Variants in MYO6 observed in about 807,000 individuals in gnomAD.
MYO6 encodes unconventional myosin-VI.
A neutral mutation model predicts 178.7 loss-of-function variants in MYO6; 74 were observed. That is an observed-to-expected ratio of 0.41 (90% CI 0.34 to 0.50). The LOEUF (loss-of-function observed/expected upper bound fraction) is 0.50. MYO6 is among the 20% of genes least tolerant of loss of function. The pLI is 0.09. For missense variants in MYO6, 1,330 were observed against 1,547.4 expected, an observed-to-expected ratio of 0.86 and a Z score of 2.36; for synonymous variants, 477 against 504.6, an observed-to-expected ratio of 0.95 and a Z score of 0.73.
At chr6:75,817,688 A>C in intron 2 of MYO6, 24 bp downstream of exon 2, 1 of 1,595,884 alleles carries the variant, frequency 6.3e-7, no homozygotes, top group Non-Finnish European at 8.6e-7. Context: ...AAAGATGTTG[A>C]AATATGATTT....
chr6:75,754,461 A>T (rs1436340233), intron 1 of MYO6, among the ~76,000 whole-genome samples: 1 of 138,368 alleles, frequency 7.2e-6, no homozygotes, highest in African/African-American at 2.6e-5. Flanking sequence ...TGGAAGTTGC[A>T]GTGCACTGAG....
chr6:75,773,368 G>A (rs59169035), intron 1 of MYO6, among the ~76,000 whole-genome samples: 1 of 152,310 alleles, frequency 6.6e-6, no homozygotes, highest in African/African-American at 2.4e-5. Context: ...AAGATTTTAG[G>A]AAACTGGAAT....
At chr6:75,767,559 G>A (rs1583010930) in intron 1 of MYO6, among the ~76,000 whole-genome samples, 1 of 123,512 alleles carries the variant, frequency 8.1e-6, no homozygotes, top group Non-Finnish European at 1.6e-5. Context: ...TCTCACTGTT[G>A]CTCAGGCTGG....
intron 1 of MYO6, among the ~76,000 whole-genome samples, chr6:75,790,925 T>TAATA (rs1256372536): frequency 2.6e-5 from 4 of 152,050 alleles, no homozygotes; most frequent in Non-Finnish European, 1.5e-5. Flanking sequence ...CATAGTAATA[T>TAATA]AATAGCTGTA....
intron 1 of MYO6, among the ~76,000 whole-genome samples, chr6:75,750,620 T>G (rs1014019609): frequency 6.6e-6 from 1 of 151,918 alleles, no homozygotes; most frequent in African/African-American, 2.4e-5. Flanking sequence ...TTAACTTTTT[T>G]TTTTTTGAGA....
chr6:75,775,900 G>A (rs563475864), intron 1 of MYO6, among the ~76,000 whole-genome samples: 2 of 152,124 alleles, frequency 1.3e-5, no homozygotes, highest in Non-Finnish European at 2.9e-5. Context: ...AATCCTGATA[G>A]GCAGAGCACA....
intron 10 of MYO6, among the ~76,000 whole-genome samples, chr6:75,847,492 T>C (rs1454103242): frequency 6.6e-6 from 1 of 151,434 alleles, no homozygotes. Context: ...TTTCTCCTTC[T>C]AGTTTCTGCA....
rs182237958 is a variant in MYO6, at chr6:75,780,218, A to G, written c.-48+30795A>G. Among the ~76,000 whole-genome samples the G allele has an allele frequency of 4.5e-3, 689 of 152,318 alleles. 10 individuals are homozygous for G. The highest frequency in any genetic ancestry group is 0.016 in the African/African-American group (667 of 41,586). On this transcript the variant is annotated intron_variant, in intron 1 of 34. Coordinates refer to ENST00000369977, the MANE Select transcript of MYO6 (RefSeq NM_004999.4). ...CATTTTGGGAGGCTGAGGGGGGCGG[A>G]TCATCTGAGGTCAGGAGTTCAAGAC...
At chr6:75,784,721 G>T (rs1345907208) in intron 1 of MYO6, among the ~76,000 whole-genome samples, 1 of 146,088 alleles carries the variant, frequency 6.8e-6, no homozygotes, top group Admixed American at 7.0e-5. Context: ...AGCTTGCAGC[G>T]AGCCGAGGTC....
rs1208727038 is a variant in MYO6 at position 75,886,944 on chromosome 6, C to T, written c.2608C>T (p.Gln870Ter). Residue 870 changes from glutamine to a stop codon, truncating the protein, a stop_gained, in exon 25 of 35, where the codon CAG becomes TAG. Transcript: ENST00000369977. LOFTEE classifies it high-confidence loss of function. ...LKDGKPEMNK[Q>*]IKNLEISIDT... is the part of the protein sequence containing the mutation. The stretch of plus-strand genomic sequence containing the variant: ...AGATGGAAAACCCGAGATGAATAAA[C>T]AGATCAAGAATCTGGAAATTTCTAT... 2 of 1,613,672 alleles carry T rather than the reference C, an allele frequency of 1.2e-6. No individual in the cohort carries two copies.
chr6:75,899,120 G>A (rs1320213100), intron 30 of MYO6, among the ~76,000 whole-genome samples: 5 of 152,020 alleles, frequency 3.3e-5, no homozygotes, highest in Non-Finnish European at 5.9e-5. Flanking sequence ...ACATTTAAAT[G>A]TGTTGCATTG....
chr6:75,918,883 G>C lies in MYO6; in HGVS notation c.*3871G>C, dbSNP rs556510238. The stretch of plus-strand genomic sequence containing the variant: ...GCCTGTAATCCCAGCACTTTGGGAG[G>C]CCGAGGCGGGTGGATCACGAGGTCA... On this transcript the variant is annotated 3_prime_UTR_variant, in exon 35 of 35. Coordinates refer to ENST00000369977, the MANE Select transcript of MYO6 (RefSeq NM_004999.4). 2 of 152,254 alleles carry C rather than the reference G, an allele frequency of 1.3e-5. No individual in the cohort carries two copies. The highest frequency in any genetic ancestry group is 3.9e-4 in the East Asian group (2 of 5,184). The allele number at this position is 152,254 out of a possible 1,614,324, so 9.4% of individuals were successfully genotyped here. A position where few individuals can be genotyped will look rare whatever the true frequency, so the allele number is the denominator to read the frequency against.
At chr6:75,767,135 C>T (rs527794969) in intron 1 of MYO6, among the ~76,000 whole-genome samples, 1 of 152,154 alleles carries the variant, frequency 6.6e-6, no homozygotes, top group Non-Finnish European at 1.5e-5. Flanking sequence ...AAGTGATTCT[C>T]ATGCCTCAGC....
intron 19 of MYO6, among the ~76,000 whole-genome samples, chr6:75,872,662 TTC>T (rs1777245614): frequency 6.6e-6 from 1 of 152,248 alleles, no homozygotes; most frequent in Admixed American, 6.5e-5. Context: ...AGTGAAAGAC[TTC>T]TCTTTTTACA....
intron 1 of MYO6, among the ~76,000 whole-genome samples, chr6:75,764,391 C>T (rs552021171): frequency 1.3e-5 from 2 of 152,230 alleles, no homozygotes; most frequent in East Asian, 1.9e-4. Flanking sequence ...GTCTGGAGTG[C>T]ACTTTTCTTT....
intron 28 of MYO6, among the ~76,000 whole-genome samples, chr6:75,894,565 A>G (rs947332789): frequency 7.1e-6 from 1 of 141,350 alleles, no homozygotes. Flanking sequence ...TTCATTATGA[A>G]TGATGTTCTA....
chr6:75,886,797 A>C, intron 24 of MYO6, 47 bp from the exon 25 acceptor site: 1 of 1,587,238 alleles, frequency 6.3e-7, no homozygotes. Flanking sequence ...ATCTGCCAAA[A>C]GTACTAAAGG....
At chr6:75,888,572 G>A (rs536465429) in intron 25 of MYO6, among the ~76,000 whole-genome samples, 13 of 151,074 alleles carry the variant, frequency 8.6e-5, no homozygotes, top group Admixed American at 4.6e-4. Flanking sequence ...TTGCACCACT[G>A]CACTCCAGCC....
Position 75,914,976 on chromosome 6 carries a change from C to CT in MYO6, c.3823dup (p.Tyr1275LeufsTer48), listed in dbSNP as rs746038889. The CT allele has an allele frequency of 5.6e-6, 9 of 1,613,564 alleles. No homozygotes were observed. Among genetic ancestry groups the CT allele is most frequent in the Non-Finnish European group, 7.6e-6 (9 of 1,179,972 alleles). ...TTGAGAGCAGACAGGCTCGGCCCAC[C>CT]TATGCAACAGCCATGCTGCAGAGTC... On this transcript the variant is annotated frameshift_variant, in exon 35 of 35. Coordinates refer to ENST00000369977, the MANE Select transcript of MYO6 (RefSeq NM_004999.4). LOFTEE classifies it high-confidence loss of function.
Sources: gnomAD v4.1 joint callset for allele counts (sites outside exome capture counted in the v4.1 genomes callset) on GRCh38, gnomAD v4.1.1 for gene constraint, MANE v1.5 for transcripts, NCBI Gene and HGNC (gene_info 2026-07-23, HGNC 2026-07-21) for gene names.